Variants in EFHC1 observed in about 807,000 individuals in gnomAD.
EFHC1 encodes EF-hand domain-containing protein 1.
Under a neutral mutation model 69.9 loss-of-function variants are expected in EFHC1, and 53 were observed. The observed-to-expected ratio is 0.76, with a 90% confidence interval of 0.61 to 0.95. The LOEUF (loss-of-function observed/expected upper bound fraction) is 0.95, where lower values mean the gene tolerates loss of function less well. Among genes scored for constraint, EFHC1 ranks in the 40% least tolerant of loss-of-function variants. The pLI, the probability that EFHC1 is intolerant of heterozygous loss-of-function variation, is 0.00. For missense variants in EFHC1, 739 were observed against 798.7 expected, an observed-to-expected ratio of 0.93 and a Z score of 0.90; for synonymous variants, 256 against 278.4, an observed-to-expected ratio of 0.92 and a Z score of 0.80.
intron 3 of EFHC1, among the ~76,000 whole-genome samples, chr6:52,442,355 G>C (rs1764683896): frequency 6.6e-6 from 1 of 152,012 alleles, no homozygotes; most frequent in Non-Finnish European, 1.5e-5. Flanking sequence ...GTGCAGGTTT[G>C]TTGCATATGT....
At chr6:52,460,733 A>C (rs1322315621) in intron 5 of EFHC1, among the ~76,000 whole-genome samples, 4 of 152,214 alleles carry the variant, frequency 2.6e-5, no homozygotes, top group Admixed American at 2.6e-4. Flanking sequence ...CTGAGAAAAA[A>C]ATAAGAGTTT....
At chr6:52,463,709 C>G (rs1335613031) in intron 5 of EFHC1, among the ~76,000 whole-genome samples, 1 of 152,180 alleles carries the variant, frequency 6.6e-6, no homozygotes, top group Non-Finnish European at 1.5e-5. Flanking sequence ...CTGGACAGCA[C>G]ACACACATAT....
intron 7 of EFHC1, among the ~76,000 whole-genome samples, chr6:52,475,049 A>G (rs996239245): frequency 2.0e-5 from 3 of 151,034 alleles, no homozygotes; most frequent in Non-Finnish European, 4.4e-5. Context: ...TACTGCTCAC[A>G]GTAAAAAAAA....
intron 9 of EFHC1, chr6:52,482,815 A>G (rs564811112): frequency 3.0e-5 from 12 of 398,580 alleles, no homozygotes; most frequent in African/African-American, 2.5e-4. Flanking sequence ...CTGGCTGCAC[A>G]TCCAGATTCT....
At chr6:52,438,068 A>T (rs1764572698) in intron 2 of EFHC1, among the ~76,000 whole-genome samples, 1 of 152,198 alleles carries the variant, frequency 6.6e-6, no homozygotes, top group African/African-American at 2.4e-5. Flanking sequence ...CCATTTAAAT[A>T]TGTAAAACCC....
chr6:52,469,189 T>C (rs1765379098), intron 6 of EFHC1, 144 bp from the exon 7 acceptor site: 6 of 1,076,450 alleles, frequency 5.6e-6, no homozygotes, highest in Non-Finnish European at 8.0e-6. Flanking sequence ...TGATATGTTA[T>C]ATTTTCTGAC....
intron 7 of EFHC1, among the ~76,000 whole-genome samples, chr6:52,472,419 T>G (rs770215303): frequency 1.3e-5 from 2 of 152,248 alleles, no homozygotes; most frequent in East Asian, 3.9e-4. Flanking sequence ...ATTGTCATTA[T>G]CCAAAATGAA....
Position 52,494,160 on chromosome 6 carries a change from C to G in EFHC1, c.*1819C>G. ...AAACTCACGTAAGTAAAAAATATCA[C>G]AAGTTGAAAACACATTTAATAACCC... On this transcript the variant is annotated 3_prime_UTR_variant, in exon 11 of 11. Coordinates refer to ENST00000371068, the MANE Select transcript of EFHC1 (RefSeq NM_018100.4). 2.2e-6 allele frequency: 1 copy of G among 454,066 alleles called. No homozygotes were observed. Among genetic ancestry groups the G allele is most frequent in the Non-Finnish European group, 4.4e-6 (1 of 226,796 alleles). The allele number at this position is 454,066 out of a possible 1,614,324, so 28.1% of individuals were successfully genotyped here. A position where few individuals can be genotyped will look rare whatever the true frequency, so the allele number is the denominator to read the frequency against.
At chr6:52,431,634 TTGGA>T (rs1764416147) in intron 2 of EFHC1, among the ~76,000 whole-genome samples, 1 of 152,200 alleles carries the variant, frequency 6.6e-6, no homozygotes, top group African/African-American at 2.4e-5. Flanking sequence ...ATGGTCTGTC[TTGGA>T]GAAAGTTCTA....
Position 52,424,034 on chromosome 6 carries a change from G to A in EFHC1, c.152G>A (p.Arg51Gln), listed in dbSNP as rs1181346372. 9 of 1,613,996 alleles carry A rather than the reference G, an allele frequency of 5.6e-6. No individual in the cohort carries two copies. The highest frequency in any genetic ancestry group is 6.8e-6 in the Non-Finnish European group (8 of 1,180,020). ...CCAACAGTTGGGATAGGCGGAGACCGGCTCCAGTTCAACCAGCTGTCCCAG... is the reference window on the plus strand; with the variant it reads ...CCAACAGTTGGGATAGGCGGAGACCAGCTCCAGTTCAACCAGCTGTCCCAG... ...RRPTVGIGGD[R>Q]LQFNQLSQAE... The change falls in exon 2 of 11, where the codon CGG becomes CAG. Residue 51 changes from arginine (R) to glutamine (Q), a missense_variant. Transcript: ENST00000371068.
At chr6:52,479,881 A>C (rs904671352) in intron 9 of EFHC1, 94 bp downstream of exon 9, 2 of 1,554,196 alleles carry the variant, frequency 1.3e-6, no homozygotes, top group Non-Finnish European at 1.7e-6. Flanking sequence ...AGATTTTCTG[A>C]TTTCTCTCAC....
At position 52,494,217 on chromosome 6, in the gene EFHC1, T is replaced by G. The variant is rs148070071; in HGVS notation, c.*1876T>G. ...GCCCATTGTAAAGTAGGCAAATAAG[T>G]TGGACCATTGAAAGTTGGGGACTAT... On this transcript the variant is annotated 3_prime_UTR_variant, in exon 11 of 11. Transcript: ENST00000371068. 2.0e-3 allele frequency: 894 copies of G among 454,142 alleles called. 2 individuals are homozygous for G. The highest frequency in any genetic ancestry group is 3.4e-3 in the Non-Finnish European group (762 of 226,800). The allele number at this position is 454,142 out of a possible 1,614,324, so 28.1% of individuals were successfully genotyped here.
intron 5 of EFHC1, among the ~76,000 whole-genome samples, chr6:52,456,223 A>G (rs1472494804): frequency 1.3e-5 from 2 of 152,212 alleles, no homozygotes; most frequent in Non-Finnish European, 2.9e-5. Context: ...TCTGTGCCCT[A>G]GTTCAACATA....
At chr6:52,448,299 C>CG (rs1466238543) in intron 3 of EFHC1, among the ~76,000 whole-genome samples, 2 of 152,342 alleles carry the variant, frequency 1.3e-5, no homozygotes, top group African/African-American at 4.8e-5. Flanking sequence ...GCCTCGCTGC[C>CG]GCCTTGCAGT....
rs1008570164 is a variant in EFHC1 at position 52,479,946 on chromosome 6, A to G, written c.1640+159A>G. 5 of 1,148,740 alleles carry G rather than the reference A, an allele frequency of 4.4e-6. No homozygotes were observed. In the African/African-American group the frequency reaches 7.7e-5, roughly 18 times the overall value. 71.2% of individuals were successfully genotyped at this position (1,148,740 alleles called of 1,614,324 possible). A position where few individuals can be genotyped will look rare whatever the true frequency, so the allele number is the denominator to read the frequency against. On this transcript the variant is annotated intron_variant, in intron 9 of 10. Transcript: ENST00000371068. ...GGTTCCCTGTGTCAATGTAATAGCT[A>G]GTAACTTAGAACTTTTTCAACTTCA...
chr6:52,468,397 T>C (rs1765357707), intron 6 of EFHC1: 1 of 152,222 alleles, frequency 6.6e-6, no homozygotes, highest in Non-Finnish European at 1.5e-5. Context: ...ACCGTACATA[T>C]GGACTGATAT....
intron 2 of EFHC1, among the ~76,000 whole-genome samples, chr6:52,433,927 C>G (rs183542987): frequency 6.6e-6 from 1 of 152,084 alleles, no homozygotes; most frequent in Non-Finnish European, 1.5e-5. Context: ...GCTGCCTCTA[C>G]TGTATACTTC....
chr6:52,469,607 C>T lies in EFHC1; in HGVS notation c.1278+134C>T. The stretch of plus-strand genomic sequence containing the variant: ...ACTCAACCAACCATTGTATCTAGTA[C>T]CCAGCCTTCAGGGAGGTTGGATAGT... On this transcript the variant is annotated intron_variant, in intron 7 of 10. Transcript: ENST00000371068. 3 of 1,297,432 alleles carry T rather than the reference C, an allele frequency of 2.3e-6. No homozygotes were observed. The South Asian group carries it at 3.7e-5, about 16-fold the overall frequency. The allele number at this position is 1,297,432 out of a possible 1,614,324, so 80.4% of individuals were successfully genotyped here.
At chr6:52,478,192 G>A (rs1392359556) in intron 7 of EFHC1, among the ~76,000 whole-genome samples, 2 of 151,304 alleles carry the variant, frequency 1.3e-5, no homozygotes, top group Admixed American at 6.6e-5. Flanking sequence ...ACCAAACACC[G>A]CATATTCTCA....
Sources: gnomAD v4.1 joint callset for allele counts (sites outside exome capture counted in the v4.1 genomes callset) on GRCh38, gnomAD v4.1.1 for gene constraint, MANE v1.5 for transcripts, NCBI Gene and HGNC (gene_info 2026-07-23, HGNC 2026-07-21) for gene names.